The following RGPD2 variants were observed in gnomAD, a reference collection of about 807,000 sequenced individuals.
The protein encoded by RGPD2 is RANBP2 like and GRIP domain containing 2, also known as RANBP2-like and GRIP domain-containing protein 2.
A neutral mutation model predicts 36.0 loss-of-function variants in RGPD2; 2 were observed. That is an observed-to-expected ratio of 0.06 (90% confidence interval 0.02 to 0.17). The LOEUF is 0.17. Ranked by LOEUF, RGPD2 falls within the 10% of genes least tolerant of loss-of-function variation. The probability of loss-of-function intolerance (pLI) is 1.00; values close to 1 mark genes in which losing one functional copy is unlikely to be tolerated. For synonymous variants in RGPD2, 19 were observed against 163.8 expected (o/e 0.12, Z 6.75); for missense variants, 40 against 464.3 (o/e 0.09, Z 8.40).
chr2:87,867,656 T>G, the RGPD2 span, among the ~76,000 whole-genome samples: 1 of 152,300 alleles, frequency 6.6e-6, no homozygotes, highest in Non-Finnish European at 1.5e-5. Flanking sequence ...TTGGTAGTTT[T>G]TTTATTTTTG....
chr2:87,978,942 G>A, the RGPD2 span, among the ~76,000 whole-genome samples: 1 of 151,178 alleles, frequency 6.6e-6, no homozygotes, highest in South Asian at 2.1e-4. Flanking sequence ...AAATGAAAAT[G>A]TATGTCCACG....
chr2:87,825,472 GC>G (rs1686706951), intron 1 of RGPD2, among the ~76,000 whole-genome samples, 185 bp downstream of exon 1: 6 of 104,556 alleles, frequency 5.7e-5, no homozygotes, highest in South Asian at 3.3e-4. Context: ...GGCCGAGGCC[GC>G]CGTCGCCGCC....
the RGPD2 span, among the ~76,000 whole-genome samples, chr2:87,862,766 TGTTTG>T: frequency 8.4e-6 from 1 of 118,954 alleles, no homozygotes; most frequent in East Asian, 2.4e-4. Flanking sequence ...CTTTTCTTGG[TGTTTG>T]GTTTTCAACA....
At chr2:87,907,464 G>GAA in the RGPD2 span, among the ~76,000 whole-genome samples, 2 of 2,012 alleles carry the variant, frequency 9.9e-4, no homozygotes, top group African/African-American at 2.7e-3. Flanking sequence ...AAAAAAAAAA[G>GAA]AATTGTGGGT....
chr2:87,864,716 C>A, the RGPD2 span, among the ~76,000 whole-genome samples: 1 of 152,282 alleles, frequency 6.6e-6, no homozygotes, highest in Admixed American at 6.5e-5. Flanking sequence ...GGTTGAACAT[C>A]TTTTCATGTG....
chr2:87,867,258 T>C, the RGPD2 span, among the ~76,000 whole-genome samples: 1,487 of 152,156 alleles, frequency 9.8e-3, no homozygotes, highest in East Asian at 0.12. Flanking sequence ...GACTAATTCC[T>C]GTTGATTAAG....
At chr2:87,921,971 G>A in the RGPD2 span, among the ~76,000 whole-genome samples, 1 of 150,506 alleles carries the variant, frequency 6.6e-6, no homozygotes, top group Non-Finnish European at 1.5e-5. Flanking sequence ...GATGTAAGTA[G>A]ATCAGCTGGC....
At chr2:87,883,389 C>G in the RGPD2 span, among the ~76,000 whole-genome samples, 1 of 151,302 alleles carries the variant, frequency 6.6e-6, no homozygotes, top group East Asian at 1.9e-4. Context: ...AAAAGCTAGA[C>G]AGAAATAAAA....
rs4519520 is a variant in RGPD2, at chr2:87,807,307, G to A, written c.780-416C>T. Among the ~76,000 whole-genome samples the A allele has an allele frequency of 9.7e-3, 1,272 of 131,652 alleles. 96 individuals carry two copies. Among genetic ancestry groups the A allele is most frequent in the African/African-American group, 0.049 (1,218 of 24,944 alleles). The allele number at this position is 131,652 out of a possible 152,430, so 86.4% of individuals were successfully genotyped here. On this transcript the variant is annotated intron_variant, in intron 6 of 22. Coordinates refer to ENST00000398146, the MANE Select transcript of RGPD2 (RefSeq NM_001078170.3). The stretch of plus-strand genomic sequence containing the variant: ...CATACCATTTCCAAATTATAAGTAA[G>A]TAACTGACAGGTATTTGAGTATCAA...
the RGPD2 span, among the ~76,000 whole-genome samples, chr2:87,980,059 T>C: frequency 1.0e-3 from 154 of 151,036 alleles, no homozygotes; most frequent in African/African-American, 2.8e-3. Flanking sequence ...TTAAGAATAA[T>C]ACCATGGAGG....
chr2:87,923,658 C>T, the RGPD2 span, among the ~76,000 whole-genome samples: 5 of 145,834 alleles, frequency 3.4e-5, no homozygotes, highest in African/African-American at 7.7e-5. Context: ...ACTTGCTTCT[C>T]GTGAAGGTAG....
the RGPD2 span, among the ~76,000 whole-genome samples, chr2:87,877,895 A>G: frequency 6.8e-6 from 1 of 147,526 alleles, no homozygotes; most frequent in Admixed American, 6.8e-5. Context: ...TGAGAGGTCC[A>G]CTGTTAGTCT....
At chr2:87,857,649 G>A in the RGPD2 span, among the ~76,000 whole-genome samples, 2 of 151,652 alleles carry the variant, frequency 1.3e-5, no homozygotes, top group African/African-American at 2.4e-5. Context: ...ACTTAAAATA[G>A]TAGTCGAGGC....
the RGPD2 span, among the ~76,000 whole-genome samples, chr2:87,964,601 T>A: frequency 1.3e-5 from 2 of 151,922 alleles, no homozygotes; most frequent in Non-Finnish European, 2.9e-5. Flanking sequence ...TGGCACGATC[T>A]CAGCTCACTG....
the RGPD2 span, among the ~76,000 whole-genome samples, chr2:87,896,978 A>G: frequency 3.3e-5 from 5 of 152,256 alleles, no homozygotes; most frequent in Admixed American, 2.6e-4. Context: ...AAACAAATTC[A>G]TACAGATAAC....
At chr2:87,983,331 G>GA in the RGPD2 span, among the ~76,000 whole-genome samples, 200 of 150,736 alleles carry the variant, frequency 1.3e-3, 4 homozygotes, top group South Asian at 0.041. Flanking sequence ...AAAAAGGAAA[G>GA]AAAGGAAAAG....
chr2:87,922,068 C>G, the RGPD2 span, among the ~76,000 whole-genome samples: 1 of 151,148 alleles, frequency 6.6e-6, no homozygotes, highest in African/African-American at 2.4e-5. Context: ...CTGAGGCGGG[C>G]GGATCACAAG....
the RGPD2 span, among the ~76,000 whole-genome samples, chr2:87,879,412 T>A: frequency 1.5e-5 from 2 of 131,056 alleles, no homozygotes; most frequent in Admixed American, 8.0e-5. Flanking sequence ...TTTTTTTTTC[T>A]TTTTTTTTTT....
the RGPD2 span, among the ~76,000 whole-genome samples, chr2:87,871,861 G>A: frequency 2.4e-5 from 1 of 42,066 alleles, no homozygotes; most frequent in African/African-American, 1.1e-4. Context: ...GTGAAACTCT[G>A]TCTCAAAAAA....
Sources: allele counts gnomAD v4.1 joint callset (sites outside exome capture counted in the v4.1 genomes callset), GRCh38; gene constraint gnomAD v4.1.1; transcripts MANE v1.5; gene names NCBI Gene and HGNC (gene_info 2026-07-23, HGNC 2026-07-21).